The following PCSK5 variants were observed in gnomAD, a reference collection of about 807,000 sequenced individuals.
The protein encoded by PCSK5 is prohormone convertase 5.
A neutral mutation model predicts 233.2 loss-of-function variants in PCSK5; 129 were observed. The observed-to-expected ratio is 0.55, with a 90% CI of 0.48 to 0.64. The LOEUF (loss-of-function observed/expected upper bound fraction) is 0.64. PCSK5 is among the 30% of genes least tolerant of loss of function. The probability of loss-of-function intolerance (pLI) is 0.00; values close to 1 mark genes in which losing one functional copy is unlikely to be tolerated. For missense variants in PCSK5, 2,076 were observed against 2,430.1 expected, an observed-to-expected ratio of 0.85 and a Z score of 3.06; for synonymous variants, 825 against 879.2, an observed-to-expected ratio of 0.94 and a Z score of 1.09.
At chr9:76,216,837 G>C (rs532255648) in intron 20 of PCSK5, among the ~76,000 whole-genome samples, 1 of 152,058 alleles carries the variant, frequency 6.6e-6, no homozygotes, top group Non-Finnish European at 1.5e-5. Flanking sequence ...TACTTACTAC[G>C]CATTTCTTTT....
intron 29 of PCSK5, among the ~76,000 whole-genome samples, chr9:76,309,363 G>A (rs148982222): frequency 0.013 from 1,983 of 152,246 alleles, 17 homozygotes; most frequent in Non-Finnish European, 0.02. Context: ...CCCTGAATTA[G>A]GAGAATATTT....
intron 20 of PCSK5, among the ~76,000 whole-genome samples, chr9:76,216,877 G>A (rs1042970789): frequency 6.6e-6 from 1 of 152,202 alleles, no homozygotes. Context: ...GCGTCTCGCT[G>A]TCACCCAGGC....
In PCSK5 at chr9:76,239,005, T is replaced by C. The variant is rs1255622875; in HGVS notation, c.2913T>C (p.Asp971=). ...EHFLYQGECG[D]SCPEGHYATE... is the part of the protein sequence containing the mutation. ...TCCTGTACCAGGGAGAGTGTGGAGA[T>C]AGCTGCCCAGAGGGCCACTATGCCA... The change falls in exon 23 of 38, where the codon GAT becomes GAC. Residue 971 remains aspartate, a synonymous_variant. Transcript: ENST00000674117. 3 of 1,612,210 alleles carry C rather than the reference T, an allele frequency of 1.9e-6. No individual in the cohort carries two copies. Among genetic ancestry groups the C allele is most frequent in the Non-Finnish European group, 8.5e-7 (1 of 1,179,744 alleles).
At chr9:76,179,776 G>A in intron 15 of PCSK5, 78 bp downstream of exon 15, 1 of 966,754 alleles carries the variant, frequency 1.0e-6, no homozygotes, top group Admixed American at 1.8e-5. Context: ...ATACCATGGG[G>A]TGTGTGCAGG....
At chr9:76,046,559 C>CTTTTTTTTTTTTTTTTT (rs553542037) in intron 5 of PCSK5, among the ~76,000 whole-genome samples, 1 of 104,806 alleles carries the variant, frequency 9.5e-6, no homozygotes, top group Non-Finnish European at 1.9e-5. Context: ...CTTTCTTTTT[C>CTTTTTTTTTTTTTTTTT]TTTTTTTTTT....
chr9:75,949,844 T>C (rs552369351), intron 2 of PCSK5, among the ~76,000 whole-genome samples: 17 of 152,232 alleles, frequency 1.1e-4, no homozygotes, highest in Non-Finnish European at 2.1e-4. Context: ...TTTTTGTGGG[T>C]GCATAATAGG....
chr9:76,084,362 A>G (rs1439656502), intron 7 of PCSK5, among the ~76,000 whole-genome samples: 1 of 152,162 alleles, frequency 6.6e-6, no homozygotes, highest in East Asian at 1.9e-4. Flanking sequence ...TGTAGGTGCA[A>G]ATTTCAAATT....
intron 20 of PCSK5, among the ~76,000 whole-genome samples, chr9:76,224,867 C>T (rs1174619182): frequency 1.3e-5 from 2 of 152,168 alleles, no homozygotes; most frequent in Admixed American, 6.5e-5. Flanking sequence ...TAATAACCCT[C>T]GACTAACCTA....
At chr9:76,211,245 A>G (rs1825319200) in intron 20 of PCSK5, among the ~76,000 whole-genome samples, 1 of 152,220 alleles carries the variant, frequency 6.6e-6, no homozygotes, top group Non-Finnish European at 1.5e-5. Context: ...GAATGTTACT[A>G]TCAACATCCA....
intron 20 of PCSK5, among the ~76,000 whole-genome samples, chr9:76,192,428 A>T (rs1466024202): frequency 6.6e-6 from 1 of 152,196 alleles, no homozygotes; most frequent in East Asian, 1.9e-4. Context: ...TGATTCTAAG[A>T]CATATATTTT....
chr9:76,160,779 T>C (rs1822819294), intron 12 of PCSK5, among the ~76,000 whole-genome samples: 1 of 152,016 alleles, frequency 6.6e-6, no homozygotes, highest in African/African-American at 2.4e-5. Context: ...CTTTTTTTTT[T>C]TTCTTTTTTG....
At chr9:76,241,653 T>C (rs958827501) in intron 24 of PCSK5, among the ~76,000 whole-genome samples, 15 of 152,230 alleles carry the variant, frequency 9.9e-5, no homozygotes, top group African/African-American at 3.4e-4. Context: ...AGACAGTTTG[T>C]TAACCACATG....
chr9:76,310,675 G>T lies in PCSK5; in HGVS notation c.3708G>T (p.Gln1236His). The T allele has an allele frequency of 6.3e-7, 1 of 1,592,950 alleles. No homozygotes were observed. Among genetic ancestry groups the T allele is most frequent in the Non-Finnish European group, 8.5e-7 (1 of 1,172,522 alleles). The stretch of plus-strand genomic sequence containing the variant: ...TTCTAGGTGCATATCTTCTGGCTCA[G>T]GCCTGTGTTTCCTCCTGTCCCCAAG... ...SCPKGAYLLA[Q>H]ACVSSCPQGT... Residue 1236 changes from glutamine (Q) to histidine (H), a missense_variant, in exon 30 of 38, where the codon CAG becomes CAT. Gln to His is a conservative substitution (Grantham distance 24). Coordinates refer to ENST00000674117, the MANE Select transcript of PCSK5 (RefSeq NM_001372043.1).
At chr9:76,134,253 T>A (rs1231682449) in intron 10 of PCSK5, 41 bp downstream of exon 10, 2 of 1,244,782 alleles carry the variant, frequency 1.6e-6, no homozygotes, top group Non-Finnish European at 2.3e-6. Flanking sequence ...CAAAATATTT[T>A]TATTTTTCCC....
chr9:76,233,263 G>A (rs1385603479), intron 21 of PCSK5, among the ~76,000 whole-genome samples, 197 bp from the exon 22 acceptor site: 1 of 152,128 alleles, frequency 6.6e-6, no homozygotes, highest in Non-Finnish European at 1.5e-5. Context: ...CTGGCTGTTA[G>A]GTCCAAATCT....
At chr9:75,966,881 T>C (rs1179233512) in intron 2 of PCSK5, among the ~76,000 whole-genome samples, 1 of 152,188 alleles carries the variant, frequency 6.6e-6, no homozygotes, top group African/African-American at 2.4e-5. Context: ...GTGTATGTTG[T>C]GAAAAACCCT....
chr9:75,914,061 TAAAG>T (rs951020140), intron 1 of PCSK5, among the ~76,000 whole-genome samples: 12 of 152,242 alleles, frequency 7.9e-5, no homozygotes, highest in African/African-American at 2.9e-4. Context: ...TTGGAGGAAA[TAAAG>T]AAAAATGAAA....
chr9:76,310,996 C>T (rs951006491), intron 30 of PCSK5, 145 bp downstream of exon 30: 15 of 574,172 alleles, frequency 2.6e-5, no homozygotes, highest in African/African-American at 1.7e-4. Context: ...CATGGGTGTG[C>T]GCCACAGCAG....
At chr9:76,027,168 T>C (rs1339979082) in intron 5 of PCSK5, 131 bp downstream of exon 5, 3 of 593,994 alleles carry the variant, frequency 5.1e-6, no homozygotes, top group Non-Finnish European at 9.1e-6. Flanking sequence ...GATTAACAAG[T>C]GTCTTTCCAC....
Sources: allele counts gnomAD v4.1 joint callset (sites outside exome capture counted in the v4.1 genomes callset), GRCh38; gene constraint gnomAD v4.1.1; transcripts MANE v1.5; gene names NCBI Gene and HGNC (gene_info 2026-07-23, HGNC 2026-07-21).